The following REV3L variants were observed in gnomAD, a reference collection of about 807,000 sequenced individuals.
REV3L encodes the protein DNA polymerase zeta catalytic subunit.
REV3L carries 69 observed loss-of-function variants against 299.4 expected under a neutral mutation model. That is an observed-to-expected ratio of 0.23 (90% CI 0.19 to 0.28). REV3L has a LOEUF of 0.28. Among genes scored for constraint, REV3L ranks in the 10% least tolerant of loss-of-function variants. The pLI, the probability that REV3L is intolerant of heterozygous loss-of-function variation, is 1.00. For synonymous variants in REV3L, 1,238 were observed against 1,271.4 expected (o/e 0.97, Z 0.56); for missense variants, 3,128 against 3,693.8 (o/e 0.85, Z 3.97).
chr6:111,381,239 A>T, intron 10 of REV3L, 86 bp downstream of exon 10: 1 of 1,402,854 alleles, frequency 7.1e-7, no homozygotes, highest in Non-Finnish European at 9.9e-7. Context: ...TACCTCTTCA[A>T]GTCAATAAAA....
intron 30 of REV3L, 156 bp from the exon 31 acceptor site, chr6:111,307,726 G>A (rs951220897): frequency 2.4e-4 from 154 of 645,466 alleles, no homozygotes; most frequent in Non-Finnish European, 3.5e-4. Context: ...CACTGTTCCA[G>A]ACACTGGAGC....
chr6:111,416,079 T>C (rs1428795521), intron 2 of REV3L, among the ~76,000 whole-genome samples: 2 of 152,122 alleles, frequency 1.3e-5, no homozygotes, highest in Admixed American at 6.6e-5. Context: ...AGCAGAGAAA[T>C]GGGAAAGGAA....
At chr6:111,306,312 G>A (rs1772287281) in intron 31 of REV3L, among the ~76,000 whole-genome samples, 1 of 152,178 alleles carries the variant, frequency 6.6e-6, no homozygotes, top group Non-Finnish European at 1.5e-5. Context: ...GCCAGGAGGA[G>A]GCGGCGAGGG....
intron 1 of REV3L, among the ~76,000 whole-genome samples, chr6:111,433,704 A>G (rs964798069): frequency 2.6e-4 from 40 of 152,322 alleles, no homozygotes; most frequent in African/African-American, 9.4e-4. Context: ...TCATTCTATG[A>G]GACCAGCATT....
chr6:111,307,652 C>G (rs1267131982), intron 30 of REV3L, 82 bp from the exon 31 acceptor site: 1 of 1,304,686 alleles, frequency 7.7e-7, no homozygotes, highest in Non-Finnish European at 1.1e-6. Context: ...CAGGTTTACT[C>G]AGGCATTCAT....
intron 21 of REV3L, among the ~76,000 whole-genome samples, chr6:111,336,239 CAATA>C (rs1775885383): frequency 6.6e-6 from 1 of 151,770 alleles, no homozygotes; most frequent in South Asian, 2.1e-4. Flanking sequence ...AGAAAACAAA[CAATA>C]AAACCCTCAG....
intron 28 of REV3L, chr6:111,312,429 A>G (rs889200997): frequency 1.3e-5 from 2 of 152,244 alleles, no homozygotes; most frequent in African/African-American, 4.8e-5. Flanking sequence ...GAATAAAGAA[A>G]AAGCCAAAAA....
chr6:111,317,515 C>G (rs1340542803), intron 26 of REV3L, among the ~76,000 whole-genome samples: 2 of 152,168 alleles, frequency 1.3e-5, no homozygotes, highest in East Asian at 3.8e-4. Context: ...GAGGCAGGGT[C>G]TCACTCTGTT....
intron 26 of REV3L, 34 bp from the exon 27 acceptor site, chr6:111,315,415 G>A (rs202111147): frequency 4.0e-4 from 624 of 1,553,560 alleles, no homozygotes; most frequent in Admixed American, 5.7e-4. Flanking sequence ...AGGTAATGAG[G>A]AAGTCATTAT....
At chr6:111,437,245 T>G (rs1353042234) in intron 1 of REV3L, among the ~76,000 whole-genome samples, 2 of 152,160 alleles carry the variant, frequency 1.3e-5, no homozygotes. Context: ...GGTATATGTC[T>G]AAGAGAAATG....
At chr6:111,364,437 T>C (rs1310218719) in intron 15 of REV3L, among the ~76,000 whole-genome samples, 2 of 151,932 alleles carry the variant, frequency 1.3e-5, no homozygotes, top group African/African-American at 4.8e-5. Context: ...AATGTAATCT[T>C]CAAAGATTCA....
intron 1 of REV3L, among the ~76,000 whole-genome samples, chr6:111,475,191 T>C (rs905454546): frequency 1.1e-4 from 16 of 152,132 alleles, no homozygotes; most frequent in African/African-American, 3.9e-4. Flanking sequence ...CACATAGTAT[T>C]CTCTCATTAT....
In REV3L at chr6:111,430,444, C is replaced by T. The variant is rs1346354871; in HGVS notation, c.140-13972G>A. ...ATTTTCAAACTAATGTGTACTAATG[C>T]CATGATTTACAATAAACCAGAGACC... On this transcript the variant is annotated intron_variant, in intron 1 of 31. Coordinates refer to ENST00000368802, the MANE Select transcript of REV3L (RefSeq NM_001372078.1). The T allele has an allele frequency of 3.3e-6, 5 of 1,526,258 alleles. No homozygotes were observed. The African/African-American group carries it at 6.9e-5, about 21-fold the overall frequency. 94.5% of individuals were successfully genotyped at this position (1,526,258 alleles called of 1,614,324 possible).
intron 4 of REV3L, among the ~76,000 whole-genome samples, chr6:111,401,960 C>T (rs2128269885): frequency 6.6e-6 from 1 of 151,580 alleles, no homozygotes; most frequent in African/African-American, 2.4e-5. Context: ...AAAAAAATAC[C>T]CAAATTAGCT....
At chr6:111,448,319 T>A (rs1789096223) in intron 1 of REV3L, among the ~76,000 whole-genome samples, 1 of 152,130 alleles carries the variant, frequency 6.6e-6, no homozygotes, top group Non-Finnish European at 1.5e-5. Flanking sequence ...ATCCCCTTTT[T>A]ATTGGAGGTT....
At chr6:111,372,284 T>C (rs1779877361) in intron 13 of REV3L, among the ~76,000 whole-genome samples, 1 of 152,224 alleles carries the variant, frequency 6.6e-6, no homozygotes, top group African/African-American at 2.4e-5. Flanking sequence ...TGTAATCCTT[T>C]TAAAGTATCA....
chr6:111,410,230 T>C (rs1342428044), intron 3 of REV3L, among the ~76,000 whole-genome samples: 2 of 152,118 alleles, frequency 1.3e-5, no homozygotes, highest in Non-Finnish European at 1.5e-5. Context: ...GAACAAATAA[T>C]GATGAATAAA....
rs185687947 is a variant in REV3L at position 111,361,462 on chromosome 6, A to G, written c.6879+2391T>C. 3.3e-5 allele frequency: 5 copies of G among 152,040 alleles called. No homozygotes were observed. The East Asian group carries it at 9.6e-4, about 29-fold the overall frequency. The allele number at this position is 152,040 out of a possible 1,614,324, so 9.4% of individuals were successfully genotyped here. A position where few individuals can be genotyped will look rare whatever the true frequency, so the allele number is the denominator to read the frequency against. ...AAAAAAAGAAAGGGATGAACATATG[A>G]AAAGACATGAAGACTCTGAAAACAA... On this transcript the variant is annotated intron_variant, in intron 16 of 31. Transcript: ENST00000368802.
intron 1 of REV3L, among the ~76,000 whole-genome samples, chr6:111,421,477 C>T (rs1048301902): frequency 3.9e-5 from 6 of 152,110 alleles, no homozygotes; most frequent in South Asian, 2.1e-4. Context: ...CTTAAGTGAA[C>T]GGGCATGACC....
Sources: gnomAD v4.1 joint callset for allele counts (sites outside exome capture counted in the v4.1 genomes callset) on GRCh38, gnomAD v4.1.1 for gene constraint, MANE v1.5 for transcripts, NCBI Gene and HGNC (gene_info 2026-07-23, HGNC 2026-07-21) for gene names.